The following IFNGR1 variants were observed in gnomAD, a reference collection of about 807,000 sequenced individuals.
IFNGR1 encodes the protein AVP, type 2.
In IFNGR1, 23 loss-of-function variants were observed where a neutral mutation model predicts 35.4. The observed-to-expected ratio is 0.65, with a 90% CI of 0.47 to 0.92. The LOEUF (loss-of-function observed/expected upper bound fraction) is 0.92, where lower values mean the gene tolerates loss of function less well. Among genes scored for constraint, IFNGR1 ranks in the 40% least tolerant of loss-of-function variants. The probability of loss-of-function intolerance (pLI) is 0.00; values close to 1 mark genes in which losing one functional copy is unlikely to be tolerated. For missense variants in IFNGR1, 533 were observed against 583.4 expected (o/e 0.91, Z 0.89); for synonymous variants, 199 against 209.5 (o/e 0.95, Z 0.43).
intron 6 of IFNGR1, among the ~76,000 whole-genome samples, chr6:137,199,569 T>C (rs867443772): frequency 2.0e-4 from 23 of 112,428 alleles, no homozygotes; most frequent in African/African-American, 7.6e-4. Flanking sequence ...ATATATATAA[T>C]ATATAATATA....
At chr6:137,205,071 T>C (rs879519998) in intron 3 of IFNGR1, among the ~76,000 whole-genome samples, 3 of 152,224 alleles carry the variant, frequency 2.0e-5, no homozygotes, top group African/African-American at 4.8e-5. Context: ...CCCATCAGTG[T>C]ATCCTCAGGG....
chr6:137,205,024 C>G (rs373716706), intron 3 of IFNGR1, among the ~76,000 whole-genome samples: 44 of 152,274 alleles, frequency 2.9e-4, no homozygotes, highest in African/African-American at 1.0e-3. Context: ...TCACATATTA[C>G]TGTGTACCAC....
rs1467081061 is a variant in IFNGR1, at chr6:137,207,205, C to T, written c.86-128G>A. On this transcript the variant is annotated intron_variant, in intron 1 of 6. Coordinates refer to ENST00000367739, the MANE Select transcript of IFNGR1 (RefSeq NM_000416.3). ...AAGAAAAGTAGAATTCACCAGGATA[C>T]CAAAATTATTTAAATGAAGAGTAGA... 2.5e-6 allele frequency: 3 copies of T among 1,220,402 alleles called. No homozygotes were observed. The African/African-American group carries it at 4.6e-5, about 19-fold the overall frequency. The allele number at this position is 1,220,402 out of a possible 1,614,324, so 75.6% of individuals were successfully genotyped here. A position where few individuals can be genotyped will look rare whatever the true frequency, so the allele number is the denominator to read the frequency against.
In IFNGR1 at chr6:137,203,549, G is replaced by A; in HGVS notation, c.683C>T (p.Thr228Ile). 1 of 1,613,102 alleles carries A rather than the reference G, an allele frequency of 6.2e-7. No individual in the cohort carries two copies. Among genetic ancestry groups the A allele is most frequent in the African/African-American group, 1.3e-5 (1 of 74,994 alleles). Residue 228 changes from threonine to isoleucine, a missense_variant, in exon 5 of 7, where the codon ACT becomes ATT. Physicochemically the swap from Thr to Ile is moderately conservative, Grantham distance 89. Transcript: ENST00000367739. Reference sequence around the variant, plus strand: ...AATACAAACTTCTTTTGACTTTTCAGTTGTAACACCCCACACATGTAAGAC... The same window carrying A: ...AATACAAACTTCTTTTGACTTTTCAATTGTAACACCCCACACATGTAAGAC... ...EGVLHVWGVT[T>I]EKSKEVCITI... is the part of the protein sequence containing the mutation.
rs1370632266 is a variant in IFNGR1, at chr6:137,203,481, A to C, written c.733+18T>G. ...TACTGCTCCCTCTATATTTAGAAAA[A>C]AAATGGCAAGAACTTACCTTTTATA... is the stretch of plus-strand genomic sequence containing the variant. On this transcript the variant is annotated intron_variant, in intron 5 of 6. Transcript: ENST00000367739. 1 of 1,396,256 alleles carries C rather than the reference A, an allele frequency of 7.2e-7. No individual in the cohort carries two copies. The highest frequency in any genetic ancestry group is 1.2e-5 in the South Asian group (1 of 86,518). The allele number at this position is 1,396,256 out of a possible 1,614,324, so 86.5% of individuals were successfully genotyped here. A position where few individuals can be genotyped will look rare whatever the true frequency, so the allele number is the denominator to read the frequency against.
chr6:137,197,829 T>TAAA lies in IFNGR1; in HGVS notation c.*199_*201dup, dbSNP rs869132002. ...CATAAGTTACAATGCTTTTTTTGTTTAAAAAAAAAAAAAAGTCTGTACTTT... is the reference window on the plus strand; with the variant it reads ...CATAAGTTACAATGCTTTTTTTGTTTAAAAAAAAAAAAAAAAAGTCTGTACTTT... On this transcript the variant is annotated 3_prime_UTR_variant, in exon 7 of 7. Coordinates refer to ENST00000367739, the MANE Select transcript of IFNGR1 (RefSeq NM_000416.3). 5 of 491,922 alleles carry TAAA rather than the reference T, an allele frequency of 1.0e-5. No homozygotes were observed. Among genetic ancestry groups the TAAA allele is most frequent in the East Asian group, 4.0e-5 (1 of 25,098 alleles). 30.5% of individuals were successfully genotyped at this position (491,922 alleles called of 1,614,324 possible). A position where few individuals can be genotyped will look rare whatever the true frequency, so the allele number is the denominator to read the frequency against.
At position 137,197,812 on chromosome 6, in the gene IFNGR1, A is replaced by G. The variant is rs1582626177; in HGVS notation, c.*219T>C. On this transcript the variant is annotated 3_prime_UTR_variant, in exon 7 of 7. Coordinates refer to ENST00000367739, the MANE Select transcript of IFNGR1 (RefSeq NM_000416.3). ...ATCTGGATGTAAAGGTTCATAAGTT[A>G]CAATGCTTTTTTTGTTTAAAAAAAA... 1 of 520,912 alleles carries G rather than the reference A, an allele frequency of 1.9e-6. No individual in the cohort carries two copies. Among genetic ancestry groups the G allele is most frequent in the East Asian group, 3.7e-5 (1 of 26,930 alleles). 32.3% of individuals were successfully genotyped at this position (520,912 alleles called of 1,614,324 possible). A position where few individuals can be genotyped will look rare whatever the true frequency, so the allele number is the denominator to read the frequency against.
chr6:137,201,689 CAA>C (rs5880339), intron 5 of IFNGR1, among the ~76,000 whole-genome samples: 2 of 143,976 alleles, frequency 1.4e-5, no homozygotes, highest in Non-Finnish European at 3.1e-5. Context: ...AACAAAACAA[CAA>C]AAAAAAAAAG....
Position 137,198,494 on chromosome 6 carries a change from G to A in IFNGR1, c.1007C>T (p.Thr336Ile), listed in dbSNP as rs774376274. The change falls in exon 7 of 7, where the codon ACC becomes ATC. Residue 336 changes from threonine (T) to isoleucine (I), a missense_variant. Transcript: ENST00000367739. Reference sequence around the variant, plus strand: ...TTCCACTTTTCCTGGATTGTCTTCGGTATGCATGCCTGGAACTGTTGCTGG... The same window carrying A: ...TTCCACTTTTCCTGGATTGTCTTCGATATGCATGCCTGGAACTGTTGCTGG... ...LSPATVPGMH[T>I]EDNPGKVEHT... The A allele has an allele frequency of 3.1e-6, 5 of 1,614,066 alleles. No individual in the cohort carries two copies. Among genetic ancestry groups the A allele is most frequent in the Non-Finnish European group, 4.2e-6 (5 of 1,180,026 alleles).
At chr6:137,211,675 C>T (rs1400037685) in intron 1 of IFNGR1, among the ~76,000 whole-genome samples, 2 of 152,088 alleles carry the variant, frequency 1.3e-5, no homozygotes, top group African/African-American at 2.4e-5. Context: ...TGTAGAGTTC[C>T]CATGGCCATT....
chr6:137,210,117 G>A, intron 1 of IFNGR1: 4 of 354,188 alleles, frequency 1.1e-5, no homozygotes, highest in Non-Finnish European at 2.0e-5. Flanking sequence ...TTGGGAGGCT[G>A]AGGTGGGAGG....
intron 5 of IFNGR1, among the ~76,000 whole-genome samples, chr6:137,201,531 GGT>G (rs1288377409): frequency 2.0e-5 from 3 of 152,010 alleles, no homozygotes; most frequent in Non-Finnish European, 4.4e-5. Flanking sequence ...AAATTAGCTG[GGT>G]GTGGTGGCAT....
chr6:137,210,549 T>C (rs925710541), intron 1 of IFNGR1, among the ~76,000 whole-genome samples: 1 of 152,218 alleles, frequency 6.6e-6, no homozygotes, highest in Admixed American at 6.5e-5. Context: ...TCCATGTGGA[T>C]AGGAACAGTG....
At chr6:137,205,128 G>A (rs1218393640) in intron 3 of IFNGR1, among the ~76,000 whole-genome samples, 1 of 151,950 alleles carries the variant, frequency 6.6e-6, no homozygotes, top group Non-Finnish European at 1.5e-5. Context: ...AAATCTATAT[G>A]GAAAAAAATC....
intron 1 of IFNGR1, among the ~76,000 whole-genome samples, chr6:137,214,676 T>C (rs1334582556): frequency 6.6e-6 from 1 of 152,218 alleles, no homozygotes; most frequent in Non-Finnish European, 1.5e-5. Context: ...TTTCATCTAG[T>C]TGGGTTTGGT....
At chr6:137,203,716 A>G (rs1459408569) in intron 4 of IFNGR1, 31 bp from the exon 5 acceptor site, 1 of 1,583,536 alleles carries the variant, frequency 6.3e-7, no homozygotes, top group East Asian at 2.3e-5. Flanking sequence ...GTGAAAATGC[A>G]CAGCTTCTTT....
In IFNGR1 at chr6:137,207,019, C is replaced by T; in HGVS notation, c.144G>A (p.Trp48Ter). 6.2e-7 allele frequency: 1 copy of T among 1,613,834 alleles called. No individual in the cohort carries two copies. The highest frequency in any genetic ancestry group is 1.1e-5 in the South Asian group (1 of 91,068). ...GGACCTGTGGCATGATCTGGTACTC[C>T]CAATATACGATAGGGTTCATGTTAT... is the stretch of plus-strand genomic sequence containing the variant. The part of the protein sequence containing the change: ...ESYNMNPIVY[W>*]EYQIMPQVPV... The change falls in exon 2 of 7, where the codon TGG becomes TGA. Residue 48 changes from tryptophan to a stop codon, truncating the protein, a stop_gained. Coordinates refer to ENST00000367739, the MANE Select transcript of IFNGR1 (RefSeq NM_000416.3). LOFTEE classifies it high-confidence loss of function.
At chr6:137,199,091 G>A (rs890732513) in intron 6 of IFNGR1, among the ~76,000 whole-genome samples, 2 of 151,604 alleles carry the variant, frequency 1.3e-5, no homozygotes, top group Non-Finnish European at 2.9e-5. Context: ...AGAGAGACTG[G>A]CCTAGCCTCC....
At chr6:137,207,939 A>G (rs1027770338) in intron 1 of IFNGR1, among the ~76,000 whole-genome samples, 5 of 152,188 alleles carry the variant, frequency 3.3e-5, no homozygotes, top group Non-Finnish European at 7.4e-5. Flanking sequence ...AATGTTTGGA[A>G]CTTTACTTAA....
Sources: gnomAD v4.1 joint callset for allele counts (sites outside exome capture counted in the v4.1 genomes callset) on GRCh38, gnomAD v4.1.1 for gene constraint, MANE v1.5 for transcripts, NCBI Gene and HGNC (gene_info 2026-07-23, HGNC 2026-07-21) for gene names.